AGK: variants seen among roughly 807,000 people sequenced by gnomAD.
AGK encodes the protein acylglycerol kinase, also known as acylglycerol kinase, mitochondrial.
In AGK, 52 loss-of-function variants were observed where a neutral mutation model predicts 66.4. The observed-to-expected ratio is 0.78, with a 90% CI of 0.63 to 0.99. The LOEUF is 0.99. Ranked by LOEUF, AGK falls within the 50% of genes least tolerant of loss-of-function variation. AGK has a pLI of 0.00. For synonymous variants in AGK, 182 were observed against 181.1 expected (o/e 1.00, Z -0.04); for missense variants, 451 against 506.6 (o/e 0.89, Z 1.05).
intron 8 of AGK, 106 bp downstream of exon 8, chr7:141,615,671 C>T: frequency 1.1e-6 from 1 of 900,238 alleles, no homozygotes; most frequent in South Asian, 1.5e-5. Flanking sequence ...CCTGAAACTT[C>T]AAATAATTAA....
intron 5 of AGK, among the ~76,000 whole-genome samples, chr7:141,604,388 A>AT (rs1225586505): frequency 6.0e-4 from 87 of 144,438 alleles, no homozygotes; most frequent in African/African-American, 1.7e-3. Context: ...ATATATATAT[A>AT]TATATATATA....
At chr7:141,564,972 C>T (rs1434685666) in intron 2 of AGK, among the ~76,000 whole-genome samples, 2 of 152,128 alleles carry the variant, frequency 1.3e-5, no homozygotes, top group African/African-American at 4.8e-5. Context: ...GGTGATCCGC[C>T]CTCCTCAGCC....
At chr7:141,635,230 T>C (rs983599641) in intron 10 of AGK, among the ~76,000 whole-genome samples, 5 of 152,228 alleles carry the variant, frequency 3.3e-5, no homozygotes, top group African/African-American at 1.2e-4. Context: ...ATTGTTATTA[T>C]GTGCTACCTT....
At chr7:141,614,471 A>G (rs1265314570) in intron 7 of AGK, among the ~76,000 whole-genome samples, 1 of 152,086 alleles carries the variant, frequency 6.6e-6, no homozygotes, top group Non-Finnish European at 1.5e-5. Context: ...AAATTGTGGC[A>G]TATTCATATA....
At chr7:141,649,577 A>T (rs1797504620) in intron 14 of AGK, among the ~76,000 whole-genome samples, 2 of 152,252 alleles carry the variant, frequency 1.3e-5, no homozygotes, top group Admixed American at 1.3e-4. Flanking sequence ...AAACCAAAGA[A>T]TTCAATGGAG....
At chr7:141,599,944 C>T (rs1296002346) in intron 4 of AGK, among the ~76,000 whole-genome samples, 2 of 152,110 alleles carry the variant, frequency 1.3e-5, no homozygotes, top group African/African-American at 4.8e-5. Context: ...TTTTAATTCA[C>T]AATAAGAAGT....
In AGK at chr7:141,654,359, T is replaced by G. The variant is rs1372415747; in HGVS notation, c.*1435T>G. 6.6e-6 allele frequency: 1 copy of G among 152,240 alleles called. No homozygotes were observed. Among genetic ancestry groups the G allele is most frequent in the Non-Finnish European group, 1.5e-5 (1 of 68,048 alleles). 9.4% of individuals were successfully genotyped at this position (152,240 alleles called of 1,614,324 possible). On this transcript the variant is annotated 3_prime_UTR_variant, in exon 16 of 16. Transcript: ENST00000649286. The stretch of plus-strand genomic sequence containing the variant: ...CAACCTCAGCTGTATTCCTTGTTTC[T>G]GTATAGATGTAAGCACATAAATTCG...
At chr7:141,605,543 C>T (rs1221099603) in intron 5 of AGK, among the ~76,000 whole-genome samples, 4 of 152,228 alleles carry the variant, frequency 2.6e-5, no homozygotes, top group South Asian at 2.1e-4. Context: ...ACTTTATTCT[C>T]GTTTATTGAT....
rs370609178 is a variant in AGK at position 141,555,946 on chromosome 7, C to T, written c.101+379C>T. 1.3e-5 allele frequency among the ~76,000 whole-genome samples: 2 copies of T among 152,284 alleles called. No individual in the cohort carries two copies. Among genetic ancestry groups the T allele is most frequent in the East Asian group, 3.9e-4 (2 of 5,190 alleles). ...TTATTTTGCCAAAGTTAAGGACGTG[C>T]GCCTGCGACACAGCCTCAGGAAGTT... On this transcript the variant is annotated intron_variant, in intron 2 of 15. Transcript: ENST00000649286. The surrounding 1 kb of genome is among the most constrained non-coding windows in gnomAD (Gnocchi z 4.2).
In AGK at chr7:141,652,783, C is replaced by T. The variant is rs760078195; in HGVS notation, c.1132-4C>T. 2 of 1,612,822 alleles carry T rather than the reference C, an allele frequency of 1.2e-6. No individual in the cohort carries two copies. Among genetic ancestry groups the T allele is most frequent in the East Asian group, 2.2e-5 (1 of 44,876 alleles). Reference sequence around the variant, plus strand: ...AGCTGTTCTGAATATTCTCTTCTCCCCAGGGAGCAGGGGGCTCTTTTAGCA... The same window carrying T: ...AGCTGTTCTGAATATTCTCTTCTCCTCAGGGAGCAGGGGGCTCTTTTAGCA... On this transcript the variant is annotated splice_polypyrimidine_tract_variant and splice_region_variant and intron_variant, in intron 15 of 15. Coordinates refer to ENST00000649286, the MANE Select transcript of AGK (RefSeq NM_018238.4).
intron 13 of AGK, among the ~76,000 whole-genome samples, chr7:141,646,552 C>G (rs1396131288): frequency 1.3e-5 from 2 of 152,178 alleles, no homozygotes; most frequent in African/African-American, 4.8e-5. Context: ...AATTGTGCCT[C>G]CAGAACAAAG....
At chr7:141,590,854 A>G (rs895788028) in intron 2 of AGK, among the ~76,000 whole-genome samples, 3 of 152,124 alleles carry the variant, frequency 2.0e-5, no homozygotes, top group African/African-American at 7.2e-5. Flanking sequence ...GGGTCATTCA[A>G]AAAAACATGA....
chr7:141,601,949 A>G (rs1201102360), intron 5 of AGK, among the ~76,000 whole-genome samples: 2 of 152,132 alleles, frequency 1.3e-5, no homozygotes, highest in African/African-American at 2.4e-5. Context: ...TTACCATGCA[A>G]TGTTGAACCC....
At chr7:141,633,606 T>C (rs1026743556) in intron 9 of AGK, among the ~76,000 whole-genome samples, 4 of 152,188 alleles carry the variant, frequency 2.6e-5, no homozygotes, top group African/African-American at 9.7e-5. Flanking sequence ...ACTGACTGGC[T>C]CGAGAGGTAA....
intron 6 of AGK, 36 bp downstream of exon 6, chr7:141,611,323 G>T: frequency 6.7e-7 from 1 of 1,499,428 alleles, no homozygotes; most frequent in Non-Finnish European, 9.2e-7. Context: ...TATTTTGAAG[G>T]TGAGAAAAAT....
intron 2 of AGK, among the ~76,000 whole-genome samples, chr7:141,569,077 A>G (rs182217316): frequency 1.3e-5 from 2 of 152,346 alleles, no homozygotes; most frequent in Non-Finnish European, 2.9e-5. Context: ...ACATAGGAAC[A>G]TTAATTTTGA....
chr7:141,614,528 A>G (rs191111748), intron 7 of AGK, among the ~76,000 whole-genome samples: 1 of 151,800 alleles, frequency 6.6e-6, no homozygotes, highest in African/African-American at 2.4e-5. Context: ...ATGTATAAAT[A>G]TCTACATGGC....
intron 2 of AGK, among the ~76,000 whole-genome samples, chr7:141,577,051 A>T (rs1157286927): frequency 3.9e-5 from 6 of 152,078 alleles, no homozygotes. Flanking sequence ...AAAAAATAAA[A>T]AAAATAAAAT....
At chr7:141,633,018 C>G (rs1158431091) in intron 9 of AGK, among the ~76,000 whole-genome samples, 1 of 152,190 alleles carries the variant, frequency 6.6e-6, no homozygotes, top group Admixed American at 6.5e-5. Context: ...CAGCGACTTG[C>G]ACTGCCAAGG....
Sources: allele counts gnomAD v4.1 joint callset (sites outside exome capture counted in the v4.1 genomes callset), GRCh38; gene constraint gnomAD v4.1.1; non-coding constraint Gnocchi (gnomAD v3.1); transcripts MANE v1.5; gene names NCBI Gene and HGNC (gene_info 2026-07-23, HGNC 2026-07-21).